The following N4BP1 variants were observed in gnomAD, a reference collection of about 807,000 sequenced individuals.
N4BP1 encodes NEDD4-binding protein 1.
In N4BP1, 21 loss-of-function variants were observed where a neutral mutation model predicts 70.9. The ratio of observed to expected loss-of-function variants is 0.30; its 90% CI spans 0.21 to 0.43. The LOEUF is 0.43. Among genes scored for constraint, N4BP1 ranks in the 20% least tolerant of loss-of-function variants. The pLI is 1.00. For synonymous variants in N4BP1, 387 were observed against 394.6 expected, an observed-to-expected ratio of 0.98 and a Z score of 0.23; for missense variants, 936 against 1,069.4, an observed-to-expected ratio of 0.88 and a Z score of 1.74.
intron 1 of N4BP1, among the ~76,000 whole-genome samples, chr16:48,587,672 TCAGA>T (rs983286805): frequency 2.0e-5 from 3 of 152,206 alleles, no homozygotes; most frequent in Non-Finnish European, 4.4e-5. Flanking sequence ...CAGAAGAGAA[TCAGA>T]CAAACTGATT....
intron 1 of N4BP1, among the ~76,000 whole-genome samples, chr16:48,602,986 A>G (rs1256342403): frequency 1.3e-5 from 2 of 151,908 alleles, no homozygotes; most frequent in Non-Finnish European, 2.9e-5. Flanking sequence ...TATCTCACAC[A>G]CACACACGCA....
chr16:48,594,176 G>A (rs999452921), intron 1 of N4BP1, among the ~76,000 whole-genome samples: 2 of 152,146 alleles, frequency 1.3e-5, no homozygotes, highest in African/African-American at 2.4e-5. Context: ...TGGCGGAGGG[G>A]GTGGTGTTGA....
intron 1 of N4BP1, among the ~76,000 whole-genome samples, chr16:48,588,049 A>G (rs973631986): frequency 5.3e-5 from 8 of 152,206 alleles, no homozygotes; most frequent in African/African-American, 1.7e-4. Context: ...CAAAAATCTC[A>G]CCTGGCTATT....
intron 2 of N4BP1, chr16:48,560,474 T>C: frequency 3.1e-6 from 1 of 318,478 alleles, no homozygotes; most frequent in Non-Finnish European, 5.7e-6. Context: ...AAAGTCACTA[T>C]ACTACATATC....
chr16:48,562,261 C>G lies in N4BP1; in HGVS notation c.382G>C (p.Val128Leu). The G allele has an allele frequency of 6.2e-7, 1 of 1,613,942 alleles. No individual in the cohort carries two copies. Among genetic ancestry groups the G allele is most frequent in the Non-Finnish European group, 8.5e-7 (1 of 1,179,874 alleles). Reference protein sequence around the residue: ...LGIRGSAEAVVMARSHIQQFV... With the variant: ...LGIRGSAEAVLMARSHIQQFV... The stretch of plus-strand genomic sequence containing the variant: ...TGTTGAATGTGACTCCTAGCCATGA[C>G]CACAGCCTCAGCACTTCCTCTGATG... The change falls in exon 2 of 7, where the codon GTC becomes CTC. Residue 128 changes from valine (V) to leucine (L), a missense_variant. This residue lies in a region of N4BP1 where 187 missense variants were observed against 217.1 expected (regional missense o/e 0.86). Transcript: ENST00000262384.
At chr16:48,564,678 GTC>G (rs889216535) in intron 1 of N4BP1, among the ~76,000 whole-genome samples, 11 of 152,006 alleles carry the variant, frequency 7.2e-5, no homozygotes, top group Admixed American at 7.2e-4. Flanking sequence ...GAATAATTTT[GTC>G]TGTGTCTGCA....
chr16:48,560,622 C>T, intron 2 of N4BP1, 132 bp downstream of exon 2: 1 of 1,240,094 alleles, frequency 8.1e-7, no homozygotes, highest in South Asian at 1.6e-5. Flanking sequence ...TCCCATTCCC[C>T]TCCACCATCC....
At chr16:48,591,512 C>T (rs1257801487) in intron 1 of N4BP1, among the ~76,000 whole-genome samples, 2 of 152,020 alleles carry the variant, frequency 1.3e-5, no homozygotes, top group Non-Finnish European at 2.9e-5. Context: ...GAAATATTGA[C>T]TGTCCTGGCT....
intron 1 of N4BP1, among the ~76,000 whole-genome samples, chr16:48,570,061 G>C (rs1963993654): frequency 1.3e-5 from 2 of 151,330 alleles, no homozygotes; most frequent in African/African-American, 2.4e-5. Context: ...TCCAATTAGA[G>C]AGAAAGGTTC....
At chr16:48,567,058 C>G (rs1963953244) in intron 1 of N4BP1, among the ~76,000 whole-genome samples, 1 of 152,098 alleles carries the variant, frequency 6.6e-6, no homozygotes, top group Non-Finnish European at 1.5e-5. Flanking sequence ...TGGCACATGT[C>G]TTTCCTCCTC....
intron 1 of N4BP1, among the ~76,000 whole-genome samples, chr16:48,593,763 A>G (rs906927366): frequency 1.4e-4 from 21 of 152,306 alleles, no homozygotes; most frequent in African/African-American, 5.1e-4. Context: ...TAATTCCAGC[A>G]CTTTGGGAAG....
chr16:48,544,439 T>A (rs1040446237), intron 6 of N4BP1, among the ~76,000 whole-genome samples: 1 of 152,200 alleles, frequency 6.6e-6, no homozygotes, highest in African/African-American at 2.4e-5. Context: ...TGTCTTCCTC[T>A]CAGCTTAGAC....
At chr16:48,546,111 A>G in intron 6 of N4BP1, 36 bp downstream of exon 6, 1 of 1,352,296 alleles carries the variant, frequency 7.4e-7, no homozygotes, top group Non-Finnish European at 1.0e-6. Context: ...ATTGAAATAG[A>G]AGTTTTAATA....
chr16:48,545,879 G>T (rs1180444715), intron 6 of N4BP1, among the ~76,000 whole-genome samples: 4 of 151,610 alleles, frequency 2.6e-5, no homozygotes, highest in African/African-American at 7.3e-5. Context: ...TACAAAAAAA[G>T]AGCTGGGCAT....
intron 1 of N4BP1, among the ~76,000 whole-genome samples, chr16:48,582,313 G>C (rs2151096139): frequency 6.6e-6 from 1 of 152,308 alleles, no homozygotes; most frequent in Middle Eastern, 3.4e-3. Flanking sequence ...AAGCAGTGCA[G>C]TGAAATCTTC....
At chr16:48,570,817 C>G (rs1366291336) in intron 1 of N4BP1, among the ~76,000 whole-genome samples, 1 of 151,946 alleles carries the variant, frequency 6.6e-6, no homozygotes, top group Non-Finnish European at 1.5e-5. Context: ...TAATATTCAG[C>G]AATCTTGCTA....
intron 3 of N4BP1, 92 bp from the exon 4 acceptor site, chr16:48,551,574 G>A (rs577976363): frequency 3.4e-6 from 3 of 875,608 alleles, no homozygotes; most frequent in Non-Finnish European, 3.5e-6. Flanking sequence ...GTTTCACTTG[G>A]AGAGCTGTAG....
In N4BP1 at chr16:48,545,092, G is replaced by A. The variant is rs187677243; in HGVS notation, c.2333+1055C>T. On this transcript the variant is annotated intron_variant, in intron 6 of 6. Coordinates refer to ENST00000262384, the MANE Select transcript of N4BP1 (RefSeq NM_153029.4). Reference sequence around the variant, plus strand: ...TGATTCTCCTGCCTCAGCCTCCCAAGCAGCTGGGATTACAGGCACGCACCA... The same window carrying A: ...TGATTCTCCTGCCTCAGCCTCCCAAACAGCTGGGATTACAGGCACGCACCA... Among the ~76,000 whole-genome samples the A allele has an allele frequency of 7.5e-3, 1,139 of 152,012 alleles. 13 individuals carry two copies. Among genetic ancestry groups the A allele is most frequent in the African/African-American group, 0.026 (1,088 of 41,538 alleles).
In N4BP1 at chr16:48,561,444, C is replaced by T. The variant is rs1357739463; in HGVS notation, c.1199G>A (p.Gly400Asp). 1.9e-6 allele frequency: 3 copies of T among 1,612,510 alleles called. No individual in the cohort carries two copies. The highest frequency in any genetic ancestry group is 1.3e-5 in the African/African-American group (1 of 74,816). The change falls in exon 2 of 7, where the codon GGT (glycine) becomes GAT (aspartate). Residue 400 changes from glycine (G) to aspartate (D), a missense_variant. Around this residue, in one of 4 missense-constraint regions of N4BP1, gnomAD observed 515 missense variants for 491.7 expected, o/e 1.05. Coordinates refer to ENST00000262384, the MANE Select transcript of N4BP1 (RefSeq NM_153029.4). ...RFQEDREFSAGTVYPETNKTK... is the reference protein window; with the variant it reads ...RFQEDREFSADTVYPETNKTK... ...TTTGTTGGTCTCTGGATACACTGTACCAGCTGAAAATTCTCTGTCTTCTTG... is the reference window on the plus strand; with the variant it reads ...TTTGTTGGTCTCTGGATACACTGTATCAGCTGAAAATTCTCTGTCTTCTTG...
Sources: allele counts gnomAD v4.1 joint callset (sites outside exome capture counted in the v4.1 genomes callset), GRCh38; gene constraint gnomAD v4.1.1; regional missense constraint gnomAD v4.1.1; transcripts MANE v1.5; gene names NCBI Gene and HGNC (gene_info 2026-07-23, HGNC 2026-07-21).